The following SOX6 variants were observed in gnomAD, a reference collection of about 807,000 sequenced individuals.
SOX6 encodes the protein SRY-box transcription factor 6.
SOX6 carries 11 observed loss-of-function variants against 97.8 expected under a neutral mutation model. That is an observed-to-expected ratio of 0.11 (90% confidence interval 0.07 to 0.19). SOX6 has a LOEUF of 0.19. SOX6 is among the 10% of genes least tolerant of loss of function. The pLI, the probability that SOX6 is intolerant of heterozygous loss-of-function variation, is 1.00. For synonymous variants in SOX6, 360 were observed against 371.4 expected, an observed-to-expected ratio of 0.97 and a Z score of 0.35; for missense variants, 810 against 1,039.5, an observed-to-expected ratio of 0.78 and a Z score of 3.04.
chr11:16,262,060 C>A (rs570743518), intron 3 of SOX6, among the ~76,000 whole-genome samples: 2 of 152,168 alleles, frequency 1.3e-5, no homozygotes, highest in East Asian at 3.9e-4. Context: ...GCTCCCTAAA[C>A]AGCTTGATGA....
chr11:16,065,619 A>T lies in SOX6; in HGVS notation c.1102-9718T>A, dbSNP rs545218780. 1.1e-4 allele frequency among the ~76,000 whole-genome samples: 16 copies of T among 152,214 alleles called. 1 individual carries two copies. In the East Asian group the frequency reaches 2.7e-3, roughly 26 times the overall value. On this transcript the variant is annotated intron_variant, in intron 9 of 15. Transcript: ENST00000683767. ...AAACAAATCCACACACCTACAGTGA[A>T]CTCATTTTTAACAAAGCTGCCAAGA...
intron 12 of SOX6, among the ~76,000 whole-genome samples, chr11:16,027,105 A>T (rs1262285633): frequency 6.6e-6 from 1 of 152,216 alleles, no homozygotes; most frequent in Non-Finnish European, 1.5e-5. Flanking sequence ...TGCACACCAG[A>T]CTAAATAAGA....
intron 6 of SOX6, among the ~76,000 whole-genome samples, chr11:16,180,702 T>C (rs1851323583): frequency 1.3e-5 from 2 of 151,774 alleles, no homozygotes; most frequent in South Asian, 2.1e-4. Flanking sequence ...ATCAAAACTA[T>C]AAAAACAGTT....
chr11:15,985,509 A>G (rs1190598304), intron 15 of SOX6, among the ~76,000 whole-genome samples: 2 of 152,100 alleles, frequency 1.3e-5, no homozygotes. Context: ...CTGCATCCCC[A>G]CTTATCCTGA....
At chr11:16,036,299 G>T (rs193153051) in intron 12 of SOX6, among the ~76,000 whole-genome samples, 1 of 151,908 alleles carries the variant, frequency 6.6e-6, no homozygotes, top group Non-Finnish European at 1.5e-5. Flanking sequence ...GGCTGGTCTC[G>T]AACTCCCGAC....
chr11:16,096,077 C>T lies in SOX6; in HGVS notation c.1020G>A (p.Lys340=). Residue 340 remains lysine (K), a synonymous_variant, in exon 9 of 16, where the codon AAG becomes AAA. Coordinates refer to ENST00000683767, the MANE Select transcript of SOX6 (RefSeq NM_001367873.1). ...VSHPQINQRL[K]GLSDRFGRNL... is the part of the protein sequence containing the mutation. Reference sequence around the variant, plus strand: ...TCCTGCCAAAACGGTCACTTAGGCCCTTTAGCCTTTGGTTAATTTGTGGGT... The same window carrying T: ...TCCTGCCAAAACGGTCACTTAGGCCTTTTAGCCTTTGGTTAATTTGTGGGT... 1 of 1,611,084 alleles carries T rather than the reference C, an allele frequency of 6.2e-7. No individual in the cohort carries two copies. The highest frequency in any genetic ancestry group is 8.5e-7 in the Non-Finnish European group (1 of 1,178,370).
At chr11:16,396,397 A>G (rs544997506) in intron 1 of SOX6, among the ~76,000 whole-genome samples, 2 of 151,816 alleles carry the variant, frequency 1.3e-5, no homozygotes, top group South Asian at 4.1e-4. Context: ...TATTTTCACA[A>G]ATACACACAC....
chr11:16,724,581 C>A (rs956473098), intron 2 of SOX6, among the ~76,000 whole-genome samples: 2 of 152,088 alleles, frequency 1.3e-5, no homozygotes, highest in Non-Finnish European at 2.9e-5. Context: ...TCATCAGAGA[C>A]CTACTAAATC....
intron 3 of SOX6, among the ~76,000 whole-genome samples, chr11:16,644,333 T>C (rs1590033598): frequency 1.3e-5 from 2 of 152,116 alleles, no homozygotes; most frequent in African/African-American, 4.8e-5. Context: ...CCACCATACC[T>C]GGCCCATTTC....
chr11:16,564,254 G>A (rs1214628749), intron 4 of SOX6, among the ~76,000 whole-genome samples: 1 of 152,144 alleles, frequency 6.6e-6, no homozygotes, highest in East Asian at 1.9e-4. Context: ...TATGTTTGAT[G>A]GTTAATGCAC....
intron 4 of SOX6, among the ~76,000 whole-genome samples, chr11:16,596,653 C>T (rs1233363012): frequency 6.6e-6 from 1 of 152,192 alleles, no homozygotes; most frequent in Non-Finnish European, 1.5e-5. Flanking sequence ...TGTACAGAAT[C>T]ACCTATATCC....
chr11:16,195,012 T>C (rs923704919), intron 4 of SOX6, among the ~76,000 whole-genome samples: 1 of 152,204 alleles, frequency 6.6e-6, no homozygotes, highest in Non-Finnish European at 1.5e-5. Flanking sequence ...AAACATGAAA[T>C]TCTTTTGTCC....
chr11:16,363,288 T>G (rs1406901857), intron 1 of SOX6, among the ~76,000 whole-genome samples: 3 of 152,170 alleles, frequency 2.0e-5, no homozygotes, highest in Non-Finnish European at 4.4e-5. Context: ...AGAAAACTTC[T>G]TTAGAGATTG....
chr11:16,552,750 TC>T (rs2133185899), intron 4 of SOX6, among the ~76,000 whole-genome samples: 1 of 152,308 alleles, frequency 6.6e-6, no homozygotes, highest in African/African-American at 2.4e-5. Flanking sequence ...TATATAACAT[TC>T]CTAAAAGTTA....
intron 13 of SOX6, among the ~76,000 whole-genome samples, chr11:15,995,026 T>A (rs530808445): frequency 1.3e-5 from 2 of 152,246 alleles, no homozygotes; most frequent in East Asian, 3.9e-4. Flanking sequence ...AGAATGCAAA[T>A]AGAAAGTCAG....
intron 6 of SOX6, among the ~76,000 whole-genome samples, chr11:16,161,444 T>C (rs771567908): frequency 5.3e-5 from 8 of 152,078 alleles, no homozygotes; most frequent in South Asian, 2.1e-4. Flanking sequence ...TAATAGGCTC[T>C]AGTAGCTGTT....
intron 3 of SOX6, among the ~76,000 whole-genome samples, chr11:16,637,839 C>T (rs754504537): frequency 2.0e-5 from 3 of 151,782 alleles, no homozygotes; most frequent in Non-Finnish European, 4.4e-5. Context: ...AATATGTGTG[C>T]AACGTTTTAT....
chr11:16,343,485 A>T (rs1856695549), intron 1 of SOX6, among the ~76,000 whole-genome samples: 1 of 151,946 alleles, frequency 6.6e-6, no homozygotes, highest in Non-Finnish European at 1.5e-5. Flanking sequence ...GAATAATTTC[A>T]ACTATAAACT....
At chr11:16,349,734 AG>A (rs1264705180) in intron 1 of SOX6, among the ~76,000 whole-genome samples, 1 of 140,346 alleles carries the variant, frequency 7.1e-6, no homozygotes, top group South Asian at 2.4e-4. Flanking sequence ...GAAGGAAGGA[AG>A]GAAGGAAGGA....
Sources: gnomAD v4.1 joint callset for allele counts (sites outside exome capture counted in the v4.1 genomes callset) on GRCh38, gnomAD v4.1.1 for gene constraint, MANE v1.5 for transcripts, NCBI Gene and HGNC (gene_info 2026-07-23, HGNC 2026-07-21) for gene names.